Variants in ATP9B observed in about 807,000 individuals in gnomAD.
ATP9B encodes the protein ATPase phospholipid transporting 9B, also known as probable phospholipid-transporting ATPase IIB.
In ATP9B, 110 loss-of-function variants were observed where a neutral mutation model predicts 146.1. That is an observed-to-expected ratio of 0.75 (90% CI 0.65 to 0.88). ATP9B has a LOEUF of 0.88. Ranked by LOEUF, ATP9B falls within the 40% of genes least tolerant of loss-of-function variation. The pLI is 0.00. For synonymous variants in ATP9B, 604 were observed against 569.7 expected (o/e 1.06, Z -0.86); for missense variants, 1,499 against 1,496.4 (o/e 1.00, Z -0.03).
At chr18:79,369,701 ACG>A (rs2097058283) in intron 26 of ATP9B, among the ~76,000 whole-genome samples, 1 of 152,204 alleles carries the variant, frequency 6.6e-6, no homozygotes, top group Admixed American at 6.5e-5. Flanking sequence ...ACCATCTTTC[ACG>A]CCACACGCGC....
chr18:79,106,027 A>T (rs909486253), intron 2 of ATP9B, among the ~76,000 whole-genome samples: 1 of 152,166 alleles, frequency 6.6e-6, no homozygotes, highest in Non-Finnish European at 1.5e-5. Flanking sequence ...TGATGTGTTA[A>T]TATGCTTTGT....
intron 15 of ATP9B, among the ~76,000 whole-genome samples, chr18:79,309,562 G>C (rs1212476618): frequency 1.6e-5 from 2 of 123,312 alleles, no homozygotes; most frequent in Admixed American, 8.3e-5. Context: ...CCAGCAGGTA[G>C]AAGGTCAGGG....
chr18:79,253,623 G>GAT, intron 12 of ATP9B, 82 bp downstream of exon 12: 1 of 1,389,454 alleles, frequency 7.2e-7, no homozygotes, highest in Non-Finnish European at 9.6e-7. Flanking sequence ...CAGTATGAAA[G>GAT]AAATTACCCA....
intron 7 of ATP9B, among the ~76,000 whole-genome samples, chr18:79,162,807 G>A (rs1387004137): frequency 6.6e-6 from 1 of 152,158 alleles, no homozygotes; most frequent in Non-Finnish European, 1.5e-5. Context: ...CAGAGCTGTT[G>A]GATTTGTGAG....
At chr18:79,309,430 T>C (rs76655019) in intron 15 of ATP9B, among the ~76,000 whole-genome samples, 2,165 of 113,806 alleles carry the variant, frequency 0.019, 2 homozygotes, top group Non-Finnish European at 0.024. Context: ...AGGTCAGGGG[T>C]GGAGGAGTGA....
intron 9 of ATP9B, among the ~76,000 whole-genome samples, chr18:79,200,767 G>A (rs1034954185): frequency 7.0e-6 from 1 of 142,806 alleles, no homozygotes. Flanking sequence ...GGGAACGTTG[G>A]GGTCAGAGCA....
In ATP9B at chr18:79,368,763, G is replaced by A. The variant is rs916191017; in HGVS notation, c.3013-4062G>A. ...GGCAAGCAGAAGAGCTGTCGGGAACGTCACCTGCCCACCCCTTTGCTGTAG... is the reference window on the plus strand; with the variant it reads ...GGCAAGCAGAAGAGCTGTCGGGAACATCACCTGCCCACCCCTTTGCTGTAG... On this transcript the variant is annotated intron_variant, in intron 26 of 29. Coordinates refer to ENST00000426216, the MANE Select transcript of ATP9B (RefSeq NM_198531.5). Among the ~76,000 whole-genome samples the A allele has an allele frequency of 2.0e-5, 3 of 151,896 alleles. No individual in the cohort carries two copies. In the East Asian group the frequency reaches 5.8e-4, roughly 29 times the overall value.
rs1191908721 is a variant in ATP9B at position 79,317,616 on chromosome 18, G to A, written c.1773+10382G>A. On this transcript the variant is annotated intron_variant, in intron 15 of 29. Coordinates refer to ENST00000426216, the MANE Select transcript of ATP9B (RefSeq NM_198531.5). The stretch of plus-strand genomic sequence containing the variant: ...TGATGATAATAGCCAAAAGTCAAGA[G>A]GCGATTGATGTCAATGGGAGTAAAT... Among the ~76,000 whole-genome samples the A allele has an allele frequency of 2.0e-5, 3 of 152,150 alleles. No individual in the cohort carries two copies. In the East Asian group the frequency reaches 5.8e-4, roughly 29 times the overall value.
intron 13 of ATP9B, among the ~76,000 whole-genome samples, chr18:79,291,530 T>G (rs887398992): frequency 6.6e-6 from 1 of 152,222 alleles, no homozygotes; most frequent in Admixed American, 6.5e-5. Flanking sequence ...TTAAAAAATA[T>G]TTTTGGGCTT....
At position 79,350,383 on chromosome 18, in the gene ATP9B, G is replaced by C. The variant is rs559232802; in HGVS notation, c.2903+2187G>C. Among the ~76,000 whole-genome samples the C allele has an allele frequency of 3.9e-5, 6 of 152,364 alleles. No individual in the cohort carries two copies. The South Asian group carries it at 1.2e-3, about 32-fold the overall frequency. ...TAATCACTCAGGGAATAACCCCCAT[G>C]ATCGTAAGCATTGCAGACTCTCTTT... is the stretch of plus-strand genomic sequence containing the variant. On this transcript the variant is annotated intron_variant, in intron 25 of 29. Coordinates refer to ENST00000426216, the MANE Select transcript of ATP9B (RefSeq NM_198531.5).
chr18:79,208,254 A>G, intron 10 of ATP9B, among the ~76,000 whole-genome samples: 1 of 152,242 alleles, frequency 6.6e-6, no homozygotes, highest in East Asian at 1.9e-4. Context: ...CAAAAAAAGA[A>G]AAATGAAGTT....
chr18:79,202,182 C>T (rs1254452015), intron 9 of ATP9B, among the ~76,000 whole-genome samples: 1 of 152,198 alleles, frequency 6.6e-6, no homozygotes, highest in Non-Finnish European at 1.5e-5. Flanking sequence ...GTGTCTGCTT[C>T]CTCTTTCCTC....
At chr18:79,281,552 A>G (rs1039043289) in intron 13 of ATP9B, among the ~76,000 whole-genome samples, 5 of 152,232 alleles carry the variant, frequency 3.3e-5, no homozygotes, top group Admixed American at 1.3e-4. Context: ...GAAGAGAAAC[A>G]TAGATACAGA....
intron 13 of ATP9B, among the ~76,000 whole-genome samples, chr18:79,294,817 A>T (rs1187444386): frequency 6.6e-6 from 1 of 152,166 alleles, no homozygotes; most frequent in Non-Finnish European, 1.5e-5. Context: ...CAGCGCCAAG[A>T]GGAGTGAAGT....
chr18:79,251,396 G>A (rs1468819529), intron 11 of ATP9B, among the ~76,000 whole-genome samples: 1 of 152,176 alleles, frequency 6.6e-6, no homozygotes, highest in Non-Finnish European at 1.5e-5. Context: ...AACAAGCCTG[G>A]TTAGAAAAGA....
At chr18:79,376,214 C>CACACACACACACAAAA in intron 29 of ATP9B, 10,805 of 850,896 alleles carry the variant, frequency 0.013, 646 homozygotes, top group Admixed American at 0.048. Context: ...CACACACACA[C>CACACACACACACAAAA]AAAACAAAAC....
Position 79,245,884 on chromosome 18 carries a change from CGCT to C in ATP9B, c.1108-7496_1108-7494del, listed in dbSNP as rs1568484242. On this transcript the variant is annotated intron_variant, in intron 11 of 29. Coordinates refer to ENST00000426216, the MANE Select transcript of ATP9B (RefSeq NM_198531.5). ...GCCCTACTGTCTGTGCGGAGGGCACCGCTCTACTGACTGAGGAGGGCACCGCCC... is the reference window on the plus strand; with the variant it reads ...GCCCTACTGTCTGTGCGGAGGGCACCCTACTGACTGAGGAGGGCACCGCCC... Among the ~76,000 whole-genome samples the C allele has an allele frequency of 1.3e-4, 17 of 129,350 alleles. No individual in the cohort carries two copies. In the East Asian group the frequency reaches 1.4e-3, roughly 11 times the overall value. 84.9% of individuals were successfully genotyped at this position (129,350 alleles called of 152,430 possible). A position where few individuals can be genotyped will look rare whatever the true frequency, so the allele number is the denominator to read the frequency against.
intron 8 of ATP9B, among the ~76,000 whole-genome samples, chr18:79,190,062 G>GCGACA (rs1288892677): frequency 3.3e-5 from 5 of 152,158 alleles, no homozygotes; most frequent in Non-Finnish European, 7.3e-5. Flanking sequence ...AGGAGGGGCT[G>GCGACA]CGACACGATT....
chr18:79,193,370 A>G, intron 9 of ATP9B, 107 bp downstream of exon 9: 1 of 955,852 alleles, frequency 1.0e-6, no homozygotes, highest in Non-Finnish European at 1.6e-6. Context: ...CAGAAGTTTC[A>G]AACTAGGAAG....
Sources: gnomAD v4.1 joint callset for allele counts (sites outside exome capture counted in the v4.1 genomes callset) on GRCh38, gnomAD v4.1.1 for gene constraint, MANE v1.5 for transcripts, NCBI Gene and HGNC (gene_info 2026-07-23, HGNC 2026-07-21) for gene names.